The following CDH12 variants were observed in gnomAD, a reference collection of about 807,000 sequenced individuals.
The protein encoded by CDH12 is cadherin-12.
CDH12 carries 41 observed loss-of-function variants against 74.1 expected under a neutral mutation model. That is an observed-to-expected ratio of 0.55 (90% CI 0.43 to 0.72). CDH12 has a LOEUF of 0.72. CDH12 is among the 30% of genes least tolerant of loss of function. CDH12 has a pLI of 0.00. For synonymous variants in CDH12, 399 were observed against 355.0 expected (o/e 1.12, Z -1.39); for missense variants, 945 against 977.2 (o/e 0.97, Z 0.44).
At chr5:22,563,601 A>G (rs1739163611) in intron 1 of CDH12, among the ~76,000 whole-genome samples, 2 of 152,182 alleles carry the variant, frequency 1.3e-5, no homozygotes, top group Admixed American at 1.3e-4. Context: ...CATATTCTAG[A>G]AATTCTACTT....
rs1580992132 is a variant in CDH12 at position 22,779,268 on chromosome 5, T to C, written c.-523+73790A>G. 2.6e-5 allele frequency among the ~76,000 whole-genome samples: 4 copies of C among 152,300 alleles called. No individual in the cohort carries two copies. The South Asian group carries it at 8.3e-4, about 32-fold the overall frequency. On this transcript the variant is annotated intron_variant, in intron 1 of 14. Transcript: ENST00000382254. ...GAAATGGCTGCCTTCAAACTATTTA[T>C]ATTTAAATATGTTTCAGACATATGG...
Position 22,462,498 on chromosome 5 carries a change from G to A in CDH12, c.-428+42772C>T, listed in dbSNP as rs75063921. The stretch of plus-strand genomic sequence containing the variant: ...AAACTACCATTTGACTCAGGTAGTC[G>A]GATCAAACTAACTACCTGGGTGGCA... On this transcript the variant is annotated intron_variant, in intron 2 of 14. Transcript: ENST00000382254. 9.9e-4 allele frequency among the ~76,000 whole-genome samples: 150 copies of A among 152,208 alleles called. No individual in the cohort carries two copies. In the Middle Eastern group the frequency reaches 0.01, roughly 10 times the overall value.
intron 5 of CDH12, among the ~76,000 whole-genome samples, chr5:22,050,997 C>A (rs1180448039): frequency 6.6e-6 from 1 of 152,152 alleles, no homozygotes; most frequent in Non-Finnish European, 1.5e-5. Flanking sequence ...TAGATTCCCA[C>A]ATCCTATGGA....
chr5:21,967,869 A>T (rs1054701816), intron 6 of CDH12, among the ~76,000 whole-genome samples: 9 of 152,126 alleles, frequency 5.9e-5, no homozygotes, highest in African/African-American at 2.2e-4. Context: ...GGCACAGGAG[A>T]GATCACAAGG....
intron 1 of CDH12, among the ~76,000 whole-genome samples, chr5:22,665,066 C>A (rs1212127710): frequency 6.6e-6 from 1 of 152,126 alleles, no homozygotes; most frequent in African/African-American, 2.4e-5. Context: ...GTAATCCTCC[C>A]TCCTCAGCCT....
chr5:22,216,189 C>G (rs1340097191), intron 3 of CDH12, among the ~76,000 whole-genome samples: 3 of 151,972 alleles, frequency 2.0e-5, no homozygotes, highest in African/African-American at 7.2e-5. Flanking sequence ...AGAAGTCAGT[C>G]TTTCTTCATT....
At chr5:22,579,291 T>A (rs186174813) in intron 1 of CDH12, among the ~76,000 whole-genome samples, 1 of 152,166 alleles carries the variant, frequency 6.6e-6, no homozygotes, top group Non-Finnish European at 1.5e-5. Context: ...AAAATGAATA[T>A]ATTCATGAAT....
chr5:21,868,248 A>G (rs1049725837), intron 6 of CDH12, among the ~76,000 whole-genome samples: 2 of 148,548 alleles, frequency 1.3e-5, no homozygotes, highest in African/African-American at 5.2e-5. Context: ...TGTGAGTCCA[A>G]TTAAACCTCT....
intron 1 of CDH12, among the ~76,000 whole-genome samples, chr5:22,691,105 A>G (rs558693623): frequency 4.5e-4 from 68 of 152,312 alleles, no homozygotes; most frequent in Admixed American, 1.4e-3. Flanking sequence ...CTTGCAGGAA[A>G]TTCAATAAAA....
In CDH12 at chr5:22,115,365, AAC is replaced by A. The variant is rs1745027763; in HGVS notation, c.-186-36505_-186-36504del. ...TTTTCAGAACATTCACGTAGTTACA[AAC>A]ACATATTTTATACTCAGCTTCAAAA... On this transcript the variant is annotated intron_variant, in intron 4 of 14. Coordinates refer to ENST00000382254, the MANE Select transcript of CDH12 (RefSeq NM_004061.5). 2.0e-5 allele frequency among the ~76,000 whole-genome samples: 3 copies of A among 152,166 alleles called. No homozygotes were observed. The South Asian group carries it at 6.2e-4, about 32-fold the overall frequency.
chr5:21,801,242 A>T (rs1040733149), intron 10 of CDH12, among the ~76,000 whole-genome samples: 8 of 152,188 alleles, frequency 5.3e-5, no homozygotes, highest in African/African-American at 1.7e-4. Flanking sequence ...ATAGTGTAAA[A>T]TCTTACAAGA....
At chr5:22,220,616 AATTT>A (rs1422190822) in intron 3 of CDH12, among the ~76,000 whole-genome samples, 1 of 151,540 alleles carries the variant, frequency 6.6e-6, no homozygotes, top group African/African-American at 2.4e-5. Flanking sequence ...ATTTTTCTTT[AATTT>A]ATCTCTTCTA....
At chr5:21,816,885 A>G in intron 9 of CDH12, 60 bp downstream of exon 9, 2 of 1,129,272 alleles carry the variant, frequency 1.8e-6, no homozygotes, top group Non-Finnish European at 2.5e-6. Flanking sequence ...TTCAATATTT[A>G]TTTTTTATCT....
At chr5:22,146,857 A>C (rs1441359918) in intron 4 of CDH12, among the ~76,000 whole-genome samples, 1 of 152,132 alleles carries the variant, frequency 6.6e-6, no homozygotes, top group Non-Finnish European at 1.5e-5. Flanking sequence ...GTATCATATG[A>C]AAACAACAGC....
chr5:22,497,611 C>G (rs577825206), intron 2 of CDH12, among the ~76,000 whole-genome samples: 4 of 150,568 alleles, frequency 2.7e-5, no homozygotes, highest in African/African-American at 9.8e-5. Context: ...TTCCAATGCC[C>G]TCAAGGCCCC....
intron 11 of CDH12, among the ~76,000 whole-genome samples, chr5:21,766,459 C>T (rs1487786274): frequency 1.3e-5 from 2 of 151,842 alleles, no homozygotes; most frequent in Non-Finnish European, 2.9e-5. Flanking sequence ...AACTGTTTGG[C>T]CCGGTTTTCA....
chr5:22,703,294 A>G (rs1742814840), intron 1 of CDH12, among the ~76,000 whole-genome samples: 1 of 152,082 alleles, frequency 6.6e-6, no homozygotes, highest in Non-Finnish European at 1.5e-5. Flanking sequence ...TTATTTATCT[A>G]AACTATCAGC....
intron 3 of CDH12, among the ~76,000 whole-genome samples, chr5:22,390,345 A>G (rs1742187542): frequency 6.6e-6 from 1 of 152,238 alleles, no homozygotes; most frequent in African/African-American, 2.4e-5. Flanking sequence ...CTACAATAGT[A>G]ATGTAACTTA....
chr5:22,849,640 G>A (rs774995658), intron 1 of CDH12, among the ~76,000 whole-genome samples: 48 of 152,024 alleles, frequency 3.2e-4, no homozygotes, highest in Non-Finnish European at 6.2e-4. Flanking sequence ...TAGATTTAAG[G>A]AATAATACGT....
Sources: gnomAD v4.1 joint callset for allele counts (sites outside exome capture counted in the v4.1 genomes callset) on GRCh38, gnomAD v4.1.1 for gene constraint, MANE v1.5 for transcripts, NCBI Gene and HGNC (gene_info 2026-07-23, HGNC 2026-07-21) for gene names.